The following NEK4 variants were observed in gnomAD, a reference collection of about 807,000 sequenced individuals.
The protein encoded by NEK4 is serine/threonine-protein kinase Nek4.
Under a neutral mutation model 98.4 loss-of-function variants are expected in NEK4, and 86 were observed. That is an observed-to-expected ratio of 0.87 (90% CI 0.73 to 1.05). The LOEUF (loss-of-function observed/expected upper bound fraction) is 1.05, where lower values mean the gene tolerates loss of function less well. Among genes scored for constraint, NEK4 ranks in the 50% least tolerant of loss-of-function variants. The pLI is 0.00. For synonymous variants in NEK4, 328 were observed against 342.2 expected (o/e 0.96, Z 0.46); for missense variants, 898 against 950.3 (o/e 0.94, Z 0.72).
At chr3:52,753,696 C>T in intron 6 of NEK4, 1 of 577,492 alleles carries the variant, frequency 1.7e-6, no homozygotes, top group Non-Finnish European at 3.5e-6. Flanking sequence ...CCTGTCCCAG[C>T]AGCACAGTCA....
rs771620704 is a variant in NEK4, at chr3:52,739,595, C to T, written c.2133G>A (p.Leu711=). ...QTNEINALVQ[L]MTQTLKLDSK... is the part of the protein sequence containing the mutation. Reference sequence around the variant, plus strand: ...AATCCAGTTTCAGGGTCTGAGTCATCAATTGTACCAAGGCATTAATTTCAT... The same window carrying T: ...AATCCAGTTTCAGGGTCTGAGTCATTAATTGTACCAAGGCATTAATTTCAT... Residue 711 remains leucine, a synonymous_variant, in exon 14 of 16, where the codon TTG becomes TTA. Transcript: ENST00000233027. The T allele has an allele frequency of 6.8e-6, 11 of 1,614,080 alleles. No homozygotes were observed. Among genetic ancestry groups the T allele is most frequent in the Non-Finnish European group, 8.5e-7 (1 of 1,180,020 alleles).
chr3:52,733,554 T>C (rs998859179), intron 15 of NEK4: 19 of 507,352 alleles, frequency 3.7e-5, no homozygotes, highest in Non-Finnish European at 7.5e-5. Flanking sequence ...GCAAGGTCTT[T>C]GGTCAATTGC....
chr3:52,742,609 T>C (rs571707448), intron 12 of NEK4, among the ~76,000 whole-genome samples: 8 of 152,138 alleles, frequency 5.3e-5, no homozygotes, highest in Admixed American at 1.3e-4. Flanking sequence ...CACCAGATGG[T>C]GTCCCTACAT....
At chr3:52,718,930 T>C (rs2097357656) in intron 15 of NEK4, among the ~76,000 whole-genome samples, 1 of 152,154 alleles carries the variant, frequency 6.6e-6, no homozygotes, top group African/African-American at 2.4e-5. Context: ...GCTAATTTTG[T>C]ATTTTTAGTA....
chr3:52,734,068 G>C (rs1463686801), intron 15 of NEK4, among the ~76,000 whole-genome samples: 1 of 152,134 alleles, frequency 6.6e-6, no homozygotes, highest in Non-Finnish European at 1.5e-5. Context: ...TATATAAAGA[G>C]AGAACAGTTG....
chr3:52,736,063 C>T lies in NEK4; in HGVS notation c.2433+1523G>A, dbSNP rs572232426. Among the ~76,000 whole-genome samples, 89 of 152,206 alleles carry T rather than the reference C, an allele frequency of 5.8e-4. 1 individual carries two copies. The highest frequency in any genetic ancestry group is 3.3e-3 in the Admixed American group (50 of 15,288). ...GGAGGAAAAACCCGACTATGTCTTC[C>T]GTGGCATATTTACTCTTATTTTACT... On this transcript the variant is annotated intron_variant, in intron 15 of 15. Transcript: ENST00000233027.
At chr3:52,719,803 G>A (rs1200063219) in intron 15 of NEK4, among the ~76,000 whole-genome samples, 1 of 152,082 alleles carries the variant, frequency 6.6e-6, no homozygotes, top group Non-Finnish European at 1.5e-5. Context: ...ATTCACTAGA[G>A]GGGCTCAACA....
intron 8 of NEK4, 49 bp from the exon 9 acceptor site, chr3:52,746,953 A>G (rs746745305): frequency 7.9e-6 from 11 of 1,385,870 alleles, no homozygotes; most frequent in Admixed American, 5.9e-5. Flanking sequence ...AACCTGGTAC[A>G]TTGTAATCCA....
intron 10 of NEK4, among the ~76,000 whole-genome samples, chr3:52,745,103 T>C (rs1012295484): frequency 2.0e-5 from 3 of 151,820 alleles, no homozygotes; most frequent in African/African-American, 7.2e-5. Context: ...GTATTTTTAG[T>C]AGAGATGGGG....
At position 52,770,926 on chromosome 3, in the gene NEK4, G is replaced by T; in HGVS notation, c.-180C>A. 2 of 608,944 alleles carry T rather than the reference G, an allele frequency of 3.3e-6. No individual in the cohort carries two copies. Among genetic ancestry groups the T allele is most frequent in the African/African-American group, 1.9e-5 (1 of 52,742 alleles). 37.7% of individuals were successfully genotyped at this position (608,944 alleles called of 1,614,324 possible). ...CGACGCCGCTGCCATAGCGATCCGG[G>T]CCGGGAGCAGTTCTGCGCATGCTCC... On this transcript the variant is annotated 5_prime_UTR_variant, in exon 1 of 16. Transcript: ENST00000233027.
In NEK4 at chr3:52,743,410, T is replaced by C. The variant is rs1307049231; in HGVS notation, c.1946A>G (p.Gln649Arg). 1 of 1,614,054 alleles carries C rather than the reference T, an allele frequency of 6.2e-7. No homozygotes were observed. The highest frequency in any genetic ancestry group is 8.5e-7 in the Non-Finnish European group (1 of 1,180,024). Reference sequence around the variant, plus strand: ...GGCAGGCAAGGGCTGGTCTTCTTCCTGGGGTTTTCCTGGCCCTGCTACACT... The same window carrying C: ...GGCAGGCAAGGGCTGGTCTTCTTCCCGGGGTTTTCCTGGCCCTGCTACACT... ...SLSVAGPGKP[Q>R]EEDQPLPARR... Residue 649 changes from glutamine (Q) to arginine (R), a missense_variant, in exon 12 of 16, where the codon CAG becomes CGG. Gln to Arg is a conservative substitution (Grantham distance 43, BLOSUM62 1). Coordinates refer to ENST00000233027, the MANE Select transcript of NEK4 (RefSeq NM_003157.6).
chr3:52,723,576 T>C (rs2097361981), intron 15 of NEK4, among the ~76,000 whole-genome samples: 1 of 151,964 alleles, frequency 6.6e-6, no homozygotes, highest in Non-Finnish European at 1.5e-5. Flanking sequence ...AAAAGTACAA[T>C]AACTGCAATG....
intron 15 of NEK4, chr3:52,734,602 G>A (rs2097373323): frequency 6.5e-6 from 1 of 154,584 alleles, no homozygotes; most frequent in African/African-American, 2.4e-5. Context: ...GAACCTGGGA[G>A]GTGGAGGTGA....
Position 52,730,255 on chromosome 3 carries a change from T to C in NEK4, c.2433+7331A>G, listed in dbSNP as rs557135925. Among the ~76,000 whole-genome samples the C allele has an allele frequency of 1.6e-3, 251 of 152,280 alleles. 1 individual carries two copies. Among genetic ancestry groups the C allele is most frequent in the African/African-American group, 5.5e-3 (230 of 41,568 alleles). ...ATCACAAAGAAATAGAAAATCTGAA[T>C]AGACCCATAACTAGTGTAAGGAGAA... On this transcript the variant is annotated intron_variant, in intron 15 of 15. Transcript: ENST00000233027.
intron 6 of NEK4, among the ~76,000 whole-genome samples, chr3:52,756,127 G>C (rs1293882897): frequency 6.6e-6 from 1 of 151,928 alleles, no homozygotes; most frequent in Non-Finnish European, 1.5e-5. Context: ...TTACATTTGG[G>C]CATCTCCTTG....
intron 2 of NEK4, among the ~76,000 whole-genome samples, chr3:52,766,932 G>A (rs1434541657): frequency 6.6e-6 from 1 of 152,002 alleles, no homozygotes; most frequent in East Asian, 1.9e-4. Context: ...CTTGCAGTGA[G>A]CCAAGATTGC....
At position 52,752,355 on chromosome 3, in the gene NEK4, G is replaced by GGGGCAGTGAGCC; in HGVS notation, c.964-20_964-19insGGCTCACTGCCC. The GGGGCAGTGAGCC allele has an allele frequency of 1.9e-6, 3 of 1,600,786 alleles. No homozygotes were observed. Among genetic ancestry groups the GGGGCAGTGAGCC allele is most frequent in the Non-Finnish European group, 2.6e-6 (3 of 1,173,458 alleles). On this transcript the variant is annotated intron_variant, in intron 6 of 15. Coordinates refer to ENST00000233027, the MANE Select transcript of NEK4 (RefSeq NM_003157.6). ...CTTCACCCTGAATGAAAAGATGTTTGGAAATTATTATAGCACTCCTCATAT... is the reference window on the plus strand; with the variant it reads ...CTTCACCCTGAATGAAAAGATGTTTGGGGCAGTGAGCCGAAATTATTATAGCACTCCTCATAT...
chr3:52,763,120 C>A (rs1265846541), intron 5 of NEK4, among the ~76,000 whole-genome samples: 1 of 152,156 alleles, frequency 6.6e-6, no homozygotes, highest in Admixed American at 6.6e-5. Flanking sequence ...TCCACAATTG[C>A]CTCTCTTTGT....
chr3:52,768,519 A>T lies in NEK4; in HGVS notation c.179T>A (p.Leu60Ter), dbSNP rs1698661222. Residue 60 changes from leucine to a stop codon, truncating the protein, a stop_gained, in exon 2 of 16, where the codon TTG (leucine) becomes TAG (stop). Transcript: ENST00000233027. LOFTEE classifies it high-confidence loss of function. ...GTAGGTGACAATGTTGGGATGCTTC[A>T]ACTGAGACAAGAGCTGGGCTTCCTG... is the stretch of plus-strand genomic sequence containing the variant. ...AEQEAQLLSQLKHPNIVTYKE... is the reference protein window; with the variant it reads ...AEQEAQLLSQ The T allele has an allele frequency of 6.2e-7, 1 of 1,614,092 alleles. No individual in the cohort carries two copies. The highest frequency in any genetic ancestry group is 8.5e-7 in the Non-Finnish European group (1 of 1,180,040).
Sources: allele counts gnomAD v4.1 joint callset (sites outside exome capture counted in the v4.1 genomes callset), GRCh38; gene constraint gnomAD v4.1.1; transcripts MANE v1.5; gene names NCBI Gene and HGNC (gene_info 2026-07-23, HGNC 2026-07-21).